MRE11: variants seen among roughly 807,000 people sequenced by gnomAD.
The protein encoded by MRE11 is MRE11 double strand break repair nuclease, also known as double-strand break repair protein MRE11.
A neutral mutation model predicts 91.7 loss-of-function variants in MRE11; 62 were observed. The observed-to-expected ratio is 0.68, with a 90% CI of 0.55 to 0.84. The LOEUF is 0.84. Ranked by LOEUF, MRE11 falls within the 40% of genes least tolerant of loss-of-function variation. The pLI, the probability that MRE11 is intolerant of heterozygous loss-of-function variation, is 0.00. For missense variants in MRE11, 796 were observed against 852.9 expected, an observed-to-expected ratio of 0.93 and a Z score of 0.83; for synonymous variants, 273 against 271.4, an observed-to-expected ratio of 1.01 and a Z score of -0.06.
chr11:94,466,496 G>A (rs764991733), intron 10 of MRE11: 1 of 532,172 alleles, frequency 1.9e-6, no homozygotes, highest in Middle Eastern at 3.4e-4. Flanking sequence ...AATCTACGAA[G>A]CATTTGGTTG....
chr11:94,433,012 G>A (rs1221056991), intron 18 of MRE11, among the ~76,000 whole-genome samples: 1 of 152,022 alleles, frequency 6.6e-6, no homozygotes, highest in African/African-American at 2.4e-5. Flanking sequence ...CTCAATATAT[G>A]GCACAATGTA....
At chr11:94,433,575 G>A (rs1945521600) in intron 18 of MRE11, among the ~76,000 whole-genome samples, 1 of 152,158 alleles carries the variant, frequency 6.6e-6, no homozygotes, top group African/African-American at 2.4e-5. Context: ...GGGACCTGGT[G>A]GGAGATAATT....
chr11:94,475,323 A>G, intron 7 of MRE11: 1 of 238,452 alleles, frequency 4.2e-6, no homozygotes, highest in Non-Finnish European at 8.6e-6. Context: ...TTTAAAGTAC[A>G]TAGGAGGATA....
chr11:94,492,843 C>A lies in MRE11; in HGVS notation c.-42G>T. ...GCTCCTCTGGGACCAGGTTCTTCTC[C>A]AAGAACCCCTGGGTACTGTACTCAA... is the stretch of plus-strand genomic sequence containing the variant. On this transcript the variant is annotated 5_prime_UTR_variant, in exon 2 of 20. Coordinates refer to ENST00000323929, the MANE Select transcript of MRE11 (RefSeq NM_005591.4). 6.3e-7 allele frequency: 1 copy of A among 1,574,846 alleles called. No individual in the cohort carries two copies. Among genetic ancestry groups the A allele is most frequent in the African/African-American group, 1.3e-5 (1 of 74,314 alleles).
chr11:94,481,300 C>T (rs921106005), intron 4 of MRE11, among the ~76,000 whole-genome samples: 1 of 151,800 alleles, frequency 6.6e-6, no homozygotes, highest in Non-Finnish European at 1.5e-5. Flanking sequence ...CAAAGCAAGA[C>T]TCTGTCTCGA....
intron 9 of MRE11, 144 bp from the exon 10 acceptor site, chr11:94,468,037 C>T (rs1946613133): frequency 1.5e-5 from 10 of 683,824 alleles, no homozygotes; most frequent in Non-Finnish European, 2.6e-5. Context: ...TTCAAATATA[C>T]CTTCTTGTAA....
chr11:94,456,288 A>G lies in MRE11; in HGVS notation c.1551T>C (p.Asp517=). The G allele has an allele frequency of 1.9e-6, 3 of 1,612,610 alleles. No individual in the cohort carries two copies. Among genetic ancestry groups the G allele is most frequent in the Non-Finnish European group, 1.7e-6 (2 of 1,178,902 alleles). ...TRQKNTNEED[D]EVREAMTRAR... is the part of the protein sequence containing the mutation. Reference sequence around the variant, plus strand: ...GCAGAATAATTACCTCACGGACTTCATCATCTTCTTCATTAGTATTTTTTT... The same window carrying G: ...GCAGAATAATTACCTCACGGACTTCGTCATCTTCTTCATTAGTATTTTTTT... Residue 517 remains aspartate, a synonymous_variant, in exon 14 of 20, where the codon GAT becomes GAC. Transcript: ENST00000323929.
At position 94,417,377 on chromosome 11, in the gene MRE11, A is replaced by G. The variant is rs928157673; in HGVS notation, c.*2748T>C. On this transcript the variant is annotated 3_prime_UTR_variant, in exon 20 of 20. Transcript: ENST00000323929. ...TTTATAAAACTTTATAGGCAAATTT[A>G]TCAAGCTGGTAAATTCCATAACAGG... The G allele has an allele frequency of 8.7e-6, 2 of 230,972 alleles. No homozygotes were observed. Among genetic ancestry groups the G allele is most frequent in the South Asian group, 3.6e-4 (2 of 5,518 alleles). The allele number at this position is 230,972 out of a possible 1,614,324, so 14.3% of individuals were successfully genotyped here. A position where few individuals can be genotyped will look rare whatever the true frequency, so the allele number is the denominator to read the frequency against.
rs1316289447 is a variant in MRE11 at position 94,435,838 on chromosome 11, T to G, written c.1988A>C (p.Asp663Ala). The change falls in exon 18 of 20, where the codon GAT becomes GCT. Residue 663 changes from aspartate to alanine, a missense_variant. Coordinates refer to ENST00000323929, the MANE Select transcript of MRE11 (RefSeq NM_005591.4). ...AGAAAATCACTGCACCTACCTTTGA[T>G]CTGTCTTTGAAGTGGTAGGAAAAAT... ...EDIFPTTSKT[D>A]QRWSSTSSSK... 1 of 1,612,824 alleles carries G rather than the reference T, an allele frequency of 6.2e-7. No homozygotes were observed. Among genetic ancestry groups the G allele is most frequent in the African/African-American group, 1.3e-5 (1 of 74,896 alleles).
rs2134789672 is a variant in MRE11, at chr11:94,429,895, A to G, written c.2070+16T>C. On this transcript the variant is annotated intron_variant, in intron 19 of 19. Transcript: ENST00000323929. ...AGTTAAAAATTAATTAAAATTTAAC[A>G]ATATTACTTATTTACCTCACTTGAT... 6.3e-7 allele frequency: 1 copy of G among 1,592,028 alleles called. No individual in the cohort carries two copies.
intron 6 of MRE11, among the ~76,000 whole-genome samples, chr11:94,476,714 G>GTT (rs201610051): frequency 1.8e-4 from 27 of 151,414 alleles, no homozygotes; most frequent in African/African-American, 5.1e-4. Flanking sequence ...CTGTTTCAGG[G>GTT]TTTTTTTTCT....
At chr11:94,497,814 G>T (rs1241070550), upstream of MRE11, 5 of 405,322 alleles carry the variant, frequency 1.2e-5, no homozygotes, top group East Asian at 2.2e-4. Flanking sequence ...GTTGGACCAG[G>T]AGTAAATGTA....
Position 94,459,262 on chromosome 11 carries a change from C to G in MRE11, c.1500+146G>C, listed in dbSNP as rs113706014. On this transcript the variant is annotated intron_variant, in intron 13 of 19. Coordinates refer to ENST00000323929, the MANE Select transcript of MRE11 (RefSeq NM_005591.4). ...GCATTTTCTACATTTTCTAATTTAA[C>G]CTTCATTTTATCATTTCAATTTTAT... is the stretch of plus-strand genomic sequence containing the variant. 634 of 862,144 alleles carry G rather than the reference C, an allele frequency of 7.4e-4. 6 individuals are homozygous for G. The African/African-American group carries it at 9.8e-3, about 13-fold the overall frequency. The allele number at this position is 862,144 out of a possible 1,614,324, so 53.4% of individuals were successfully genotyped here. A position where few individuals can be genotyped will look rare whatever the true frequency, so the allele number is the denominator to read the frequency against.
chr11:94,439,901 A>G lies in MRE11; in HGVS notation c.1868-2666T>C, dbSNP rs116614640. Among the ~76,000 whole-genome samples the G allele has an allele frequency of 5.9e-3, 893 of 152,320 alleles. 5 individuals carry two copies. Among genetic ancestry groups the G allele is most frequent in the African/African-American group, 0.02 (811 of 41,568 alleles). On this transcript the variant is annotated intron_variant, in intron 16 of 19. Coordinates refer to ENST00000323929, the MANE Select transcript of MRE11 (RefSeq NM_005591.4). ...ATGGTCTTCACCCTTACGCTACACA[A>G]TCTCCAAGTAATTTTTACTCAGTCA...
chr11:94,447,073 A>G, intron 15 of MRE11, 146 bp downstream of exon 15: 1 of 849,936 alleles, frequency 1.2e-6, no homozygotes, highest in South Asian at 1.6e-5. Flanking sequence ...TGCCTTAAAG[A>G]CTGTCTTTAT....
chr11:94,508,895 G>A, the MRE11 span, among the ~76,000 whole-genome samples: 38 of 151,980 alleles, frequency 2.5e-4, no homozygotes, highest in African/African-American at 8.9e-4. Flanking sequence ...CCCAGTAGCT[G>A]GGATTACAGG....
chr11:94,497,000 G>T (rs1421070223), upstream of MRE11: 2 of 1,607,718 alleles, frequency 1.2e-6, no homozygotes, highest in Non-Finnish European at 1.7e-6. Flanking sequence ...AAAAGCACTG[G>T]GTTCAAGCCA....
At chr11:94,473,748 C>T (rs999695882) in intron 7 of MRE11, among the ~76,000 whole-genome samples, 172 of 152,088 alleles carry the variant, frequency 1.1e-3, no homozygotes, top group African/African-American at 3.8e-3. Context: ...CTTACACAAA[C>T]ATTGTAACCT....
At chr11:94,510,088 C>T in the MRE11 span, among the ~76,000 whole-genome samples, 3 of 151,874 alleles carry the variant, frequency 2.0e-5, no homozygotes, top group African/African-American at 7.3e-5. Flanking sequence ...GGTGTTATTT[C>T]ATTCTTAAAT....
Sources: gnomAD v4.1 joint callset for allele counts (sites outside exome capture counted in the v4.1 genomes callset) on GRCh38, gnomAD v4.1.1 for gene constraint, MANE v1.5 for transcripts, NCBI Gene and HGNC (gene_info 2026-07-23, HGNC 2026-07-21) for gene names.